The following RGCC variants were observed in gnomAD, a reference collection of about 807,000 sequenced individuals.
The protein encoded by RGCC is regulator of cell cycle RGCC.
A neutral mutation model predicts 15.4 loss-of-function variants in RGCC; 15 were observed. That is an observed-to-expected ratio of 0.97 (90% confidence interval 0.65 to 1.50). The LOEUF (loss-of-function observed/expected upper bound fraction) is 1.50, where lower values mean the gene tolerates loss of function less well. Ranked by LOEUF, RGCC falls within the 40% of genes most tolerant of loss-of-function variation. The pLI, the probability that RGCC is intolerant of heterozygous loss-of-function variation, is 0.00. For synonymous variants in RGCC, 81 were observed against 78.0 expected (o/e 1.04, Z -0.20); for missense variants, 176 against 189.7 (o/e 0.93, Z 0.42).
At chr13:41,470,065 C>T (rs1471759792) in intron 4 of RGCC, among the ~76,000 whole-genome samples, 7 of 152,166 alleles carry the variant, frequency 4.6e-5, no homozygotes, top group Non-Finnish European at 8.8e-5. Context: ...CGGGTAAACT[C>T]TGAAAAATTA....
At chr13:41,469,283 TAATAATAATAATAAGAAGAAGAAG>T (rs1455984680) in intron 4 of RGCC, among the ~76,000 whole-genome samples, 21 of 115,794 alleles carry the variant, frequency 1.8e-4, no homozygotes, top group African/African-American at 6.5e-4. Flanking sequence ...ATAATAATAA[TAATAATAATAATAAGAAGAAGAAG>T]AAGAAGAAGA....
Position 41,468,788 on chromosome 13 carries a change from A to G in RGCC, c.356A>G (p.Asp119Gly), listed in dbSNP as rs1249259520. ...TCCTGTTTCACAGCTAAATTAGGAG[A>G]CACAAAAGAGCTAGAAGCCTTCATT... Reference protein sequence around the residue: ...TVTPQKAKLGDTKELEAFIAD... With the variant: ...TVTPQKAKLGGTKELEAFIAD... Residue 119 changes from aspartate to glycine, a missense_variant, in exon 4 of 5, where the codon GAC (aspartate) becomes GGC (glycine). Coordinates refer to ENST00000379359, the MANE Select transcript of RGCC (RefSeq NM_014059.3). 2.5e-6 allele frequency: 4 copies of G among 1,607,578 alleles called. No homozygotes were observed. Among genetic ancestry groups the G allele is most frequent in the South Asian group, 1.1e-5 (1 of 91,028 alleles).
chr13:41,458,432 C>T lies in RGCC; in HGVS notation c.197C>T (p.Ala66Val). ...GAGCGCATGAAGCGGCGCAGCAGCG[C>T]CAGTGTCAGCGACAGCAGCGGCTTC... ...HLERMKRRSS[A>V]SVSDSSGFSD... is the part of the protein sequence containing the mutation. Residue 66 changes from alanine (A) to valine (V), a missense_variant, in exon 2 of 5, where the codon GCC (alanine) becomes GTC (valine). Physicochemically the swap from Ala to Val is moderately conservative, Grantham distance 64. Transcript: ENST00000379359. The surrounding 1 kb of genome is among the most constrained non-coding windows in gnomAD (Gnocchi z 4.4). 2 of 1,601,754 alleles carry T rather than the reference C, an allele frequency of 1.2e-6. No homozygotes were observed. Among genetic ancestry groups the T allele is most frequent in the Non-Finnish European group, 1.7e-6 (2 of 1,178,852 alleles).
rs1417788726 is a variant in RGCC at position 41,457,881 on chromosome 13, C to G, written c.49+125C>G. ...CATCCTCCCCGGCGGGAACCTGTCC[C>G]CGGTCTTCCCGCGCGGGCGGCTGCA... is the stretch of plus-strand genomic sequence containing the variant. On this transcript the variant is annotated intron_variant, in intron 1 of 4. Coordinates refer to ENST00000379359, the MANE Select transcript of RGCC (RefSeq NM_014059.3). This position sits in a 1 kb window ranked among gnomAD's most constrained non-coding sequence, Gnocchi z 4.9. 3 of 1,302,266 alleles carry G rather than the reference C, an allele frequency of 2.3e-6. No homozygotes were observed. Among genetic ancestry groups the G allele is most frequent in the Non-Finnish European group, 3.0e-6 (3 of 1,011,550 alleles). The allele number at this position is 1,302,266 out of a possible 1,614,324, so 80.7% of individuals were successfully genotyped here. A position where few individuals can be genotyped will look rare whatever the true frequency, so the allele number is the denominator to read the frequency against.
chr13:41,468,101 C>T (rs1593579405), intron 3 of RGCC, among the ~76,000 whole-genome samples: 1 of 152,186 alleles, frequency 6.6e-6, no homozygotes, highest in South Asian at 2.1e-4. Flanking sequence ...AATGAGGACT[C>T]GTTTCCTTGT....
rs1253072780 is a variant in RGCC, at chr13:41,458,877, G to A, written c.235+407G>A. Among the ~76,000 whole-genome samples the A allele has an allele frequency of 6.6e-6, 1 of 152,196 alleles. No homozygotes were observed. The highest frequency in any genetic ancestry group is 1.9e-4 in the East Asian group (1 of 5,202). ...GTGGGGACATGGGAGGGCGCAGAACGGAAATATTCATGAAACCAGGAAAGG... is the reference window on the plus strand; with the variant it reads ...GTGGGGACATGGGAGGGCGCAGAACAGAAATATTCATGAAACCAGGAAAGG... On this transcript the variant is annotated intron_variant, in intron 2 of 4. Transcript: ENST00000379359. This position sits in a 1 kb window ranked among gnomAD's most constrained non-coding sequence, Gnocchi z 4.4.
rs1227978928 is a variant in RGCC, at chr13:41,457,843, C to T, written c.49+87C>T. 3.7e-6 allele frequency: 5 copies of T among 1,338,462 alleles called. No homozygotes were observed. Among genetic ancestry groups the T allele is most frequent in the Non-Finnish European group, 3.8e-6 (4 of 1,041,534 alleles). 82.9% of individuals were successfully genotyped at this position (1,338,462 alleles called of 1,614,324 possible). A position where few individuals can be genotyped will look rare whatever the true frequency, so the allele number is the denominator to read the frequency against. ...AGGGGCCCCGTGTCGTCCCTTCACACCCCCCACCCTTCCATCCTCCCCGGC... is the reference window on the plus strand; with the variant it reads ...AGGGGCCCCGTGTCGTCCCTTCACATCCCCCACCCTTCCATCCTCCCCGGC... On this transcript the variant is annotated intron_variant, in intron 1 of 4. Coordinates refer to ENST00000379359, the MANE Select transcript of RGCC (RefSeq NM_014059.3). This position sits in a 1 kb window ranked among gnomAD's most constrained non-coding sequence, Gnocchi z 4.9.
In RGCC at chr13:41,464,909, C is replaced by T. The variant is rs1199937984; in HGVS notation, c.236-1914C>T. Among the ~76,000 whole-genome samples the T allele has an allele frequency of 4.0e-5, 6 of 151,288 alleles. No homozygotes were observed. In the East Asian group the frequency reaches 5.8e-4, roughly 15 times the overall value. On this transcript the variant is annotated intron_variant, in intron 2 of 4. Transcript: ENST00000379359. ...ATGTTTGGAAAAGTGGACAAGATGGCGGTGTCAGCGAAAAAGAGCAGGGGG... is the reference window on the plus strand; with the variant it reads ...ATGTTTGGAAAAGTGGACAAGATGGTGGTGTCAGCGAAAAAGAGCAGGGGG...
chr13:41,466,492 G>A (rs1291173896), intron 2 of RGCC, among the ~76,000 whole-genome samples: 1 of 151,962 alleles, frequency 6.6e-6, no homozygotes, highest in Non-Finnish European at 1.5e-5. Flanking sequence ...AGATTCAAGC[G>A]AGTCTCCTGC....
intron 2 of RGCC, among the ~76,000 whole-genome samples, chr13:41,464,671 G>C (rs994974856): frequency 2.0e-5 from 3 of 152,190 alleles, no homozygotes; most frequent in African/African-American, 7.2e-5. Flanking sequence ...AGGCTGTTTG[G>C]TGTTTCTCAG....
intron 3 of RGCC, 101 bp downstream of exon 3, chr13:41,467,031 T>C: frequency 1.3e-6 from 1 of 774,444 alleles, no homozygotes; most frequent in South Asian, 1.5e-5. Flanking sequence ...CTTTCTCAAA[T>C]GTACAAAACA....
In RGCC at chr13:41,468,983, G is replaced by C. The variant is rs929051895; in HGVS notation, c.406+145G>C. ...AGGTTTAGAAACAGGACCCTAGGCC[G>C]GGGCAGTGGCTCACGCCTGTAATCC... On this transcript the variant is annotated intron_variant, in intron 4 of 4. Transcript: ENST00000379359. 3.9e-5 allele frequency: 24 copies of C among 617,280 alleles called. No individual in the cohort carries two copies. In the South Asian group the frequency reaches 4.7e-4, roughly 12 times the overall value. 38.2% of individuals were successfully genotyped at this position (617,280 alleles called of 1,614,324 possible).
chr13:41,458,254 C>T lies in RGCC; in HGVS notation c.50-31C>T, dbSNP rs141989625. 0.014 allele frequency: 21,395 copies of T among 1,536,324 alleles called. 181 individuals carry two copies. The highest frequency in any genetic ancestry group is 0.036 in the Middle Eastern group (162 of 4,534). On this transcript the variant is annotated intron_variant, in intron 1 of 4. Transcript: ENST00000379359. This position sits in a 1 kb window ranked among gnomAD's most constrained non-coding sequence, Gnocchi z 4.4. Reference sequence around the variant, plus strand: ...GGTGGTCCCGCTGCCCCCCTGACTTCCGTGCACTGAGCCCCTGGCCCTGCC... The same window carrying T: ...GGTGGTCCCGCTGCCCCCCTGACTTTCGTGCACTGAGCCCCTGGCCCTGCC...
chr13:41,467,793 G>A (rs1385469695), intron 3 of RGCC, among the ~76,000 whole-genome samples: 1 of 152,152 alleles, frequency 6.6e-6, no homozygotes, highest in Non-Finnish European at 1.5e-5. Context: ...CCCTCAGTCT[G>A]TAATGAATCA....
chr13:41,463,203 C>T (rs2043830085), intron 2 of RGCC, among the ~76,000 whole-genome samples: 1 of 152,178 alleles, frequency 6.6e-6, no homozygotes, highest in Non-Finnish European at 1.5e-5. Flanking sequence ...GGCATAGATG[C>T]TAGATGCCCA....
chr13:41,470,451 A>G, intron 4 of RGCC, 27 bp from the exon 5 acceptor site: 4 of 1,612,290 alleles, frequency 2.5e-6, no homozygotes, highest in Non-Finnish European at 3.4e-6. Flanking sequence ...CTCTGAGTGG[A>G]TAACCTTACC....
At chr13:41,469,259 A>G (rs563039952) in intron 4 of RGCC, among the ~76,000 whole-genome samples, 5 of 127,484 alleles carry the variant, frequency 3.9e-5, no homozygotes, top group African/African-American at 1.3e-4. Flanking sequence ...GACTCCGTCA[A>G]AATAGTAATA....
chr13:41,469,286 T>TAAGAAG (rs1195617232), intron 4 of RGCC, among the ~76,000 whole-genome samples: 69 of 113,980 alleles, frequency 6.1e-4, no homozygotes, highest in African/African-American at 2.1e-3. Context: ...ATAATAATAA[T>TAAGAAG]AATAATAATA....
chr13:41,464,629 G>A (rs2043838711), intron 2 of RGCC, among the ~76,000 whole-genome samples: 1 of 152,202 alleles, frequency 6.6e-6, no homozygotes, highest in African/African-American at 2.4e-5. Flanking sequence ...TTTTCAGGAT[G>A]TTGGAAGTGG....
Sources: allele counts gnomAD v4.1 joint callset (sites outside exome capture counted in the v4.1 genomes callset), GRCh38; gene constraint gnomAD v4.1.1; non-coding constraint Gnocchi (gnomAD v3.1); transcripts MANE v1.5; gene names NCBI Gene and HGNC (gene_info 2026-07-23, HGNC 2026-07-21).